Variants in TCF19 observed in about 807,000 individuals in gnomAD.
TCF19 encodes transcription factor SC1.
Under a neutral mutation model 18.3 loss-of-function variants are expected in TCF19, and 9 were observed. That is an observed-to-expected ratio of 0.49 (90% CI 0.30 to 0.86). The LOEUF (loss-of-function observed/expected upper bound fraction) is 0.86. Ranked by LOEUF, TCF19 falls within the 40% of genes least tolerant of loss-of-function variation. The pLI is 0.07. For missense variants in TCF19, 376 were observed against 464.3 expected, an observed-to-expected ratio of 0.81 and a Z score of 1.75; for synonymous variants, 176 against 185.3, an observed-to-expected ratio of 0.95 and a Z score of 0.41.
rs1005173638 is a variant in TCF19 at position 31,163,534 on chromosome 6, T to C, written c.*817T>C. The C allele has an allele frequency of 1.0e-6, 1 of 985,336 alleles. No individual in the cohort carries two copies. The highest frequency in any genetic ancestry group is 4.7e-5 in the South Asian group (1 of 21,296). 61.0% of individuals were successfully genotyped at this position (985,336 alleles called of 1,614,324 possible). A position where few individuals can be genotyped will look rare whatever the true frequency, so the allele number is the denominator to read the frequency against. ...ATTTATTTACAGGCTTCACCTGTAC[T>C]GTCAGGGCAAGAGAAAGCCTGGTAA... On this transcript the variant is annotated 3_prime_UTR_variant, in exon 4 of 4. Coordinates refer to ENST00000376257, the MANE Select transcript of TCF19 (RefSeq NM_007109.3).
chr6:31,161,480 G>T lies in TCF19; in HGVS notation c.272G>T (p.Gly91Val). 6.8e-7 allele frequency: 1 copy of T among 1,466,336 alleles called. No individual in the cohort carries two copies. The highest frequency in any genetic ancestry group is 1.5e-5 in the South Asian group (1 of 67,228). The allele number at this position is 1,466,336 out of a possible 1,614,324, so 90.8% of individuals were successfully genotyped here. A position where few individuals can be genotyped will look rare whatever the true frequency, so the allele number is the denominator to read the frequency against. The change falls in exon 3 of 4, where the codon GGT becomes GTT. Residue 91 changes from glycine to valine, a missense_variant. Gly to Val is a moderately radical substitution (Grantham distance 109). Coordinates refer to ENST00000376257, the MANE Select transcript of TCF19 (RefSeq NM_007109.3). Reference protein sequence around the residue: ...TLVNNVRLPRGHRLELSDGDL... With the variant: ...TLVNNVRLPRVHRLELSDGDL... ...GTCAATAATGTCCGACTCCCAAGAG[G>T]TCACAGGCTGGAATTGAGTGATGGA...
intron 2 of TCF19, among the ~76,000 whole-genome samples, 153 bp downstream of exon 2, chr6:31,159,860 T>C (rs1455062772): frequency 6.6e-6 from 1 of 152,218 alleles, no homozygotes; most frequent in Admixed American, 6.5e-5. Flanking sequence ...CCACCAGAAG[T>C]GTGCACAGTC....
chr6:31,161,549 C>A lies in TCF19; in HGVS notation c.341C>A (p.Pro114His), dbSNP rs1776776112. 1 of 1,586,552 alleles carries A rather than the reference C, an allele frequency of 6.3e-7. No individual in the cohort carries two copies. The change falls in exon 3 of 4, where the codon CCC (proline) becomes CAC (histidine). Residue 114 changes from proline to histidine, a missense_variant. Transcript: ENST00000376257. ...CCTGAAGGGCCCCCAGGAACCAGCC[C>A]CTCGGAGTTCTACTTCATGTTCCAA... is the stretch of plus-strand genomic sequence containing the variant. ...FGPEGPPGTS[P>H]SEFYFMFQQV...
In TCF19 at chr6:31,161,791, A is replaced by C. The variant is rs767070147; in HGVS notation, c.583A>C (p.Ser195Arg). Residue 195 changes from serine to arginine, a missense_variant, in exon 3 of 4, where the codon AGT (serine) becomes CGT (arginine). By Grantham distance (110) the Ser-to-Arg change is moderately radical. Transcript: ENST00000376257. ...GCCCCAGCCCCTCACCTTCTCCCCT[A>C]GTTGGGGTGGACCAAAGAGCCTGCC... ...LRPQPLTFSP[S>R]WGGPKSLPVP... 4.9e-5 allele frequency: 79 copies of C among 1,609,788 alleles called. No homozygotes were observed. Among genetic ancestry groups the C allele is most frequent in the Admixed American group, 1.5e-4 (9 of 59,802 alleles).
chr6:31,159,774 T>G, intron 2 of TCF19, 67 bp downstream of exon 2: 4 of 1,531,950 alleles, frequency 2.6e-6, no homozygotes, highest in Non-Finnish European at 3.6e-6. Context: ...GAGTAAGGTC[T>G]CCACAAGACC....
rs963025159 is a variant in TCF19 at position 31,159,413 on chromosome 6, G to A, written c.-57G>A. On this transcript the variant is annotated 5_prime_UTR_variant, in exon 2 of 4. The change creates a new upstream start codon in the 5' untranslated region. Coordinates refer to ENST00000376257, the MANE Select transcript of TCF19 (RefSeq NM_007109.3). ...TAAGCCAGCGGTGCGTGGCCCAGGA[G>A]TGGGAAAGGAAATGGATGCCTGAAG... 102 of 1,437,164 alleles carry A rather than the reference G, an allele frequency of 7.1e-5. No individual in the cohort carries two copies. The highest frequency in any genetic ancestry group is 9.1e-5 in the Non-Finnish European group (97 of 1,068,478). The allele number at this position is 1,437,164 out of a possible 1,614,324, so 89.0% of individuals were successfully genotyped here.
chr6:31,160,839 T>C (rs2151091909), intron 2 of TCF19, among the ~76,000 whole-genome samples: 1 of 151,000 alleles, frequency 6.6e-6, no homozygotes, highest in African/African-American at 2.4e-5. Flanking sequence ...GAGCTGGAGC[T>C]GGGGGAGAGT....
In TCF19 at chr6:31,159,088, G is replaced by T; in HGVS notation, c.-382G>T. 1 of 265,464 alleles carries T rather than the reference G, an allele frequency of 3.8e-6. No individual in the cohort carries two copies. Among genetic ancestry groups the T allele is most frequent in the Non-Finnish European group, 7.2e-6 (1 of 139,572 alleles). The allele number at this position is 265,464 out of a possible 1,614,324, so 16.4% of individuals were successfully genotyped here. A position where few individuals can be genotyped will look rare whatever the true frequency, so the allele number is the denominator to read the frequency against. ...TGTGTATAACAGGACCTCCTTCCCC[G>T]CGCCCCGCCACCCCGACACACACAG... On this transcript the variant is annotated 5_prime_UTR_variant, in exon 2 of 4. Coordinates refer to ENST00000376257, the MANE Select transcript of TCF19 (RefSeq NM_007109.3).
Position 31,162,432 on chromosome 6 carries a change from C to T in TCF19, c.798-45C>T, listed in dbSNP as rs1776846584. On this transcript the variant is annotated intron_variant, in intron 3 of 3. Transcript: ENST00000376257. The surrounding 1 kb of genome is among the most constrained non-coding windows in gnomAD (Gnocchi z 4.5). ...TAGGGTGGCAAGGTCTAGGCCTTCT[C>T]CTACAGGTTTCCGGTGACCCTTGTG... The T allele has an allele frequency of 6.4e-7, 1 of 1,569,292 alleles. No individual in the cohort carries two copies.
Position 31,162,753 on chromosome 6 carries a change from C to T in TCF19, c.*36C>T, listed in dbSNP as rs1220930790. The T allele has an allele frequency of 1.2e-6, 2 of 1,601,882 alleles. No homozygotes were observed. The highest frequency in any genetic ancestry group is 1.3e-5 in the African/African-American group (1 of 74,848). ...CAAGGCACCATCGGACACACCTGCC[C>T]ATGAGTAGACACAGCAGCGAGCAAA... is the stretch of plus-strand genomic sequence containing the variant. On this transcript the variant is annotated 3_prime_UTR_variant, in exon 4 of 4. Transcript: ENST00000376257. This position sits in a 1 kb window ranked among gnomAD's most constrained non-coding sequence, Gnocchi z 4.5.
In TCF19 at chr6:31,163,402, G is replaced by C. The variant is rs1776933085; in HGVS notation, c.*685G>C. On this transcript the variant is annotated 3_prime_UTR_variant, in exon 4 of 4. Transcript: ENST00000376257. The stretch of plus-strand genomic sequence containing the variant: ...AGGTGCAAATATATGGGTTGAGCTG[G>C]AGGTAGGAATACAGGTAATTAAGGT... 1.0e-6 allele frequency: 1 copy of C among 985,560 alleles called. No individual in the cohort carries two copies. Among genetic ancestry groups the C allele is most frequent in the Non-Finnish European group, 1.2e-6 (1 of 830,002 alleles). The allele number at this position is 985,560 out of a possible 1,614,324, so 61.1% of individuals were successfully genotyped here.
chr6:31,163,673 C>G lies in TCF19; in HGVS notation c.*956C>G, dbSNP rs1048401666. On this transcript the variant is annotated 3_prime_UTR_variant, in exon 4 of 4. Coordinates refer to ENST00000376257, the MANE Select transcript of TCF19 (RefSeq NM_007109.3). ...TTCAGTGTGAATCAAACCGCTTAAC[C>G]CACACATGGTACATGTGATTTTCTT... The G allele has an allele frequency of 1.0e-6, 1 of 985,468 alleles. No individual in the cohort carries two copies. The allele number at this position is 985,468 out of a possible 1,614,324, so 61.0% of individuals were successfully genotyped here. A position where few individuals can be genotyped will look rare whatever the true frequency, so the allele number is the denominator to read the frequency against.
Position 31,159,498 on chromosome 6 carries a change from T to A in TCF19, c.29T>A (p.Ile10Lys). The change falls in exon 2 of 4, where the codon ATA (isoleucine) becomes AAA (lysine). Residue 10 changes from isoleucine to lysine, a missense_variant. By Grantham distance (102) the Ile-to-Lys change is moderately radical (BLOSUM62 -3). Transcript: ENST00000376257. ...CTGCCCTGCTTCCAACTGCTGCGCA[T>A]AGGGGGCGGCAGGGGCGGTGATCTC... MLPCFQLLRIGGGRGGDLYT... is the reference protein window; with the variant it reads MLPCFQLLRKGGGRGGDLYT... The A allele has an allele frequency of 6.3e-7, 1 of 1,587,210 alleles. No individual in the cohort carries two copies. Among genetic ancestry groups the A allele is most frequent in the Non-Finnish European group, 8.6e-7 (1 of 1,167,388 alleles).
chr6:31,162,764 A>T lies in TCF19; in HGVS notation c.*47A>T. The stretch of plus-strand genomic sequence containing the variant: ...CGGACACACCTGCCCATGAGTAGAC[A>T]CAGCAGCGAGCAAATAGGTCTGATA... On this transcript the variant is annotated 3_prime_UTR_variant, in exon 4 of 4. Coordinates refer to ENST00000376257, the MANE Select transcript of TCF19 (RefSeq NM_007109.3). The surrounding 1 kb of genome is among the most constrained non-coding windows in gnomAD (Gnocchi z 4.5). 1 of 1,595,540 alleles carries T rather than the reference A, an allele frequency of 6.3e-7. No individual in the cohort carries two copies. The highest frequency in any genetic ancestry group is 1.1e-5 in the South Asian group (1 of 89,854).
At position 31,161,618 on chromosome 6, in the gene TCF19, C is replaced by A; in HGVS notation, c.410C>A (p.Pro137Gln). The A allele has an allele frequency of 6.4e-7, 1 of 1,569,302 alleles. No homozygotes were observed. The highest frequency in any genetic ancestry group is 8.6e-7 in the Non-Finnish European group (1 of 1,159,798). Residue 137 changes from proline (P) to glutamine (Q), a missense_variant, in exon 3 of 4, where the codon CCA becomes CAA. Physicochemically the swap from Pro to Gln is moderately conservative, Grantham distance 76. Transcript: ENST00000376257. ...KPQDFAAITI[P>Q]RSRGEARVGA... is the part of the protein sequence containing the mutation. ...CAGGACTTTGCTGCCATTACCATCC[C>A]ACGGTCTAGGGGAGAAGCCCGGGTT... is the stretch of plus-strand genomic sequence containing the variant.
At chr6:31,161,369 A>G (rs1776764103) in intron 2 of TCF19, 78 bp from the exon 3 acceptor site, 1 of 1,167,550 alleles carries the variant, frequency 8.6e-7, no homozygotes, top group South Asian at 2.6e-5. Context: ...CCCAGAAATC[A>G]TACAGATTTC....
chr6:31,163,221 G>T lies in TCF19; in HGVS notation c.*504G>T. ...AGCTTTGCTTTTATTTCCAAGTCAA[G>T]GACAAGCCGCTTCATTCACTCCTGG... On this transcript the variant is annotated 3_prime_UTR_variant, in exon 4 of 4. Transcript: ENST00000376257. 1.0e-6 allele frequency: 1 copy of T among 993,976 alleles called. No homozygotes were observed. Among genetic ancestry groups the T allele is most frequent in the Admixed American group, 5.5e-5 (1 of 18,140 alleles). 61.6% of individuals were successfully genotyped at this position (993,976 alleles called of 1,614,324 possible).
At position 31,164,033 on chromosome 6, in the gene TCF19, AGAT is replaced by A; in HGVS notation, c.*1320_*1322del. 2.0e-6 allele frequency: 2 copies of A among 998,178 alleles called. No homozygotes were observed. Among genetic ancestry groups the A allele is most frequent in the Non-Finnish European group, 2.4e-6 (2 of 837,372 alleles). 61.8% of individuals were successfully genotyped at this position (998,178 alleles called of 1,614,324 possible). A position where few individuals can be genotyped will look rare whatever the true frequency, so the allele number is the denominator to read the frequency against. ...GGGTGATCTAGGTTCAACAGAAATA[AGAT>A]GATTTCTAAGTATAAAGCCATTTAA... On this transcript the variant is annotated 3_prime_UTR_variant, in exon 4 of 4. Transcript: ENST00000376257.
Position 31,162,950 on chromosome 6 carries a change from C to T in TCF19, c.*233C>T, listed in dbSNP as rs1235615160. On this transcript the variant is annotated 3_prime_UTR_variant, in exon 4 of 4. Coordinates refer to ENST00000376257, the MANE Select transcript of TCF19 (RefSeq NM_007109.3). The surrounding 1 kb of genome is among the most constrained non-coding windows in gnomAD (Gnocchi z 4.5). ...CCACCTCCAGGAAATTGCCAGTGAG[C>T]TGGAAGTTCCCACTATTACAAGCCA... 1 of 1,405,786 alleles carries T rather than the reference C, an allele frequency of 7.1e-7. No individual in the cohort carries two copies. Among genetic ancestry groups the T allele is most frequent in the Non-Finnish European group, 9.2e-7 (1 of 1,085,170 alleles). 87.1% of individuals were successfully genotyped at this position (1,405,786 alleles called of 1,614,324 possible). A position where few individuals can be genotyped will look rare whatever the true frequency, so the allele number is the denominator to read the frequency against.
Sources: gnomAD v4.1 joint callset for allele counts (sites outside exome capture counted in the v4.1 genomes callset) on GRCh38, gnomAD v4.1.1 for gene constraint, Gnocchi (gnomAD v3.1) non-coding constraint, MANE v1.5 for transcripts, NCBI Gene and HGNC (gene_info 2026-07-23, HGNC 2026-07-21) for gene names.